Variants in SGCZ observed in about 807,000 individuals in gnomAD.
SGCZ encodes the protein zeta-sarcoglycan.
A neutral mutation model predicts 41.3 loss-of-function variants in SGCZ; 40 were observed. That is an observed-to-expected ratio of 0.97 (90% CI 0.75 to 1.26). The LOEUF (loss-of-function observed/expected upper bound fraction) is 1.26. SGCZ is among the 50% of genes most tolerant of loss of function. The probability of loss-of-function intolerance (pLI) is 0.00; values close to 1 mark genes in which losing one functional copy is unlikely to be tolerated. For missense variants in SGCZ, 552 were observed against 369.8 expected (o/e 1.49, Z -4.04); for synonymous variants, 206 against 137.5 (o/e 1.50, Z -3.49).
At chr8:14,909,133 T>A (rs1051890225) in intron 1 of SGCZ, among the ~76,000 whole-genome samples, 4 of 152,142 alleles carry the variant, frequency 2.6e-5, no homozygotes, top group African/African-American at 9.7e-5. Flanking sequence ...ATCCATTCAG[T>A]TAATCATTTT....
chr8:14,190,009 TCTTTC>T (rs1450286860), intron 4 of SGCZ, among the ~76,000 whole-genome samples: 2 of 67,850 alleles, frequency 2.9e-5, no homozygotes, highest in Non-Finnish European at 5.0e-5. Flanking sequence ...TTTCTTTCTT[TCTTTC>T]TTTTTTTTTT....
Position 14,464,656 on chromosome 8 carries a change from C to A in SGCZ, c.234+90076G>T, listed in dbSNP as rs569429762. ...TTACTTTTGGGTTTAGTTTGTTCTTCTTTTTATCATTCTTTAAGTTATAAA... is the reference window on the plus strand; with the variant it reads ...TTACTTTTGGGTTTAGTTTGTTCTTATTTTTATCATTCTTTAAGTTATAAA... On this transcript the variant is annotated intron_variant, in intron 2 of 7. Coordinates refer to ENST00000382080, the MANE Select transcript of SGCZ (RefSeq NM_139167.4). 3.8e-4 allele frequency among the ~76,000 whole-genome samples: 57 copies of A among 151,150 alleles called. 1 individual carries two copies. Among genetic ancestry groups the A allele is most frequent in the African/African-American group, 1.3e-3 (54 of 41,382 alleles).
At chr8:14,919,692 C>T (rs1250050498) in intron 1 of SGCZ, among the ~76,000 whole-genome samples, 3 of 152,048 alleles carry the variant, frequency 2.0e-5, no homozygotes, top group African/African-American at 7.2e-5. Flanking sequence ...ACGAGGCAGG[C>T]AGATCACTTG....
chr8:15,055,851 A>C (rs1345999246), intron 1 of SGCZ, among the ~76,000 whole-genome samples: 1 of 152,156 alleles, frequency 6.6e-6, no homozygotes, highest in African/African-American at 2.4e-5. Context: ...GTGCCTCCCC[A>C]TGCCTTTGCT....
At chr8:14,949,349 T>A (rs747994386) in intron 1 of SGCZ, among the ~76,000 whole-genome samples, 1 of 152,136 alleles carries the variant, frequency 6.6e-6, no homozygotes, top group Non-Finnish European at 1.5e-5. Flanking sequence ...AGTATGCAAA[T>A]TGAATTTTAA....
intron 4 of SGCZ, among the ~76,000 whole-genome samples, chr8:14,174,013 A>G (rs1268518642): frequency 6.6e-6 from 1 of 152,110 alleles, no homozygotes; most frequent in Non-Finnish European, 1.5e-5. Flanking sequence ...AAGAGTTTTA[A>G]AAAGCTACTT....
intron 1 of SGCZ, among the ~76,000 whole-genome samples, chr8:14,758,174 T>C (rs573615111): frequency 3.6e-4 from 55 of 152,282 alleles, no homozygotes; most frequent in African/African-American, 1.3e-3. Flanking sequence ...ATACAAGCTG[T>C]CCAGAAACAT....
rs183510269 is a variant in SGCZ, at chr8:15,129,620, T to A, written c.39+107965A>T. Among the ~76,000 whole-genome samples the A allele has an allele frequency of 4.2e-3, 618 of 147,668 alleles. 3 individuals carry two copies. The highest frequency in any genetic ancestry group is 0.015 in the African/African-American group (597 of 40,062). On this transcript the variant is annotated intron_variant, in intron 1 of 7. Transcript: ENST00000382080. ...GAGAAAAGTGCTTGATAACCAGCCA[T>A]GCATGGGAACAGCATCATTGAAATA...
At chr8:14,650,093 G>C (rs561431555) in intron 1 of SGCZ, among the ~76,000 whole-genome samples, 2 of 152,060 alleles carry the variant, frequency 1.3e-5, no homozygotes, top group Non-Finnish European at 2.9e-5. Context: ...GTTTGACTGA[G>C]CACCCAGACA....
chr8:14,231,231 C>T (rs62497656), intron 4 of SGCZ, among the ~76,000 whole-genome samples: 1 of 80,054 alleles, frequency 1.2e-5, no homozygotes, highest in African/African-American at 4.9e-5. Context: ...GAGAGAGAGA[C>T]AGAGAGAGAG....
At chr8:14,603,808 G>A (rs1310914867) in intron 1 of SGCZ, among the ~76,000 whole-genome samples, 2 of 151,946 alleles carry the variant, frequency 1.3e-5, no homozygotes, top group Admixed American at 1.3e-4. Context: ...CTGAGATCGG[G>A]ACCCTTGTCC....
chr8:15,119,837 T>A (rs780129323), intron 1 of SGCZ, among the ~76,000 whole-genome samples: 51 of 152,254 alleles, frequency 3.3e-4, no homozygotes, highest in Non-Finnish European at 6.5e-4. Context: ...TTTGAGACAG[T>A]CTCGCTCTGT....
At position 15,039,842 on chromosome 8, in the gene SGCZ, G is replaced by T. The variant is rs1382560622; in HGVS notation, c.39+197743C>A. Among the ~76,000 whole-genome samples, 3 of 152,200 alleles carry T rather than the reference G, an allele frequency of 2.0e-5. 1 individual carries two copies. The South Asian group carries it at 6.2e-4, about 32-fold the overall frequency. ...TTTTACATACGTATGTGTATTGCACGTTATACAGTATTTGGATTTTATGGT... is the reference window on the plus strand; with the variant it reads ...TTTTACATACGTATGTGTATTGCACTTTATACAGTATTTGGATTTTATGGT... On this transcript the variant is annotated intron_variant, in intron 1 of 7. Transcript: ENST00000382080.
At chr8:14,812,979 G>A (rs1801780257) in intron 1 of SGCZ, among the ~76,000 whole-genome samples, 1 of 152,070 alleles carries the variant, frequency 6.6e-6, no homozygotes, top group African/African-American at 2.4e-5. Context: ...ATGTTCCCAA[G>A]GCCCTGGATG....
intron 1 of SGCZ, among the ~76,000 whole-genome samples, chr8:14,913,328 A>T (rs1336271625): frequency 1.3e-5 from 2 of 152,112 alleles, no homozygotes; most frequent in African/African-American, 4.8e-5. Context: ...CTAAATATCC[A>T]GAACAACACT....
chr8:14,435,674 G>C (rs1160714417), intron 2 of SGCZ, among the ~76,000 whole-genome samples: 1 of 152,118 alleles, frequency 6.6e-6, no homozygotes, highest in Non-Finnish European at 1.5e-5. Flanking sequence ...CAAAAGACTG[G>C]CATTAGATGC....
At chr8:14,289,952 G>A (rs150902981) in intron 3 of SGCZ, among the ~76,000 whole-genome samples, 1 of 151,980 alleles carries the variant, frequency 6.6e-6, no homozygotes, top group East Asian at 1.9e-4. Flanking sequence ...CATAAGGCAG[G>A]AGAGTGAGTG....
intron 1 of SGCZ, among the ~76,000 whole-genome samples, chr8:14,825,603 A>T (rs1802277065): frequency 6.6e-6 from 1 of 152,146 alleles, no homozygotes; most frequent in Non-Finnish European, 1.5e-5. Context: ...TACCACAGTC[A>T]AATTAATTAA....
chr8:14,240,344 A>ATAAATAAATAAAT (rs1209525036), intron 3 of SGCZ, among the ~76,000 whole-genome samples: 5 of 150,746 alleles, frequency 3.3e-5, no homozygotes, highest in African/African-American at 1.2e-4. Context: ...AAAAAAAAAA[A>ATAAATAAATAAAT]AAAAAAAAAA....
Sources: allele counts gnomAD v4.1 joint callset (sites outside exome capture counted in the v4.1 genomes callset), GRCh38; gene constraint gnomAD v4.1.1; transcripts MANE v1.5; gene names NCBI Gene and HGNC (gene_info 2026-07-23, HGNC 2026-07-21).